DIP2B: variants seen among roughly 807,000 people sequenced by gnomAD.
The protein encoded by DIP2B is DIP2 acetate--CoA ligase B (putative), also known as disco-interacting protein 2 homolog B.
DIP2B carries 76 observed loss-of-function variants against 198.0 expected under a neutral mutation model. The ratio of observed to expected loss-of-function variants is 0.38; its 90% CI spans 0.32 to 0.46. The LOEUF (loss-of-function observed/expected upper bound fraction) is 0.46. Among genes scored for constraint, DIP2B ranks in the 20% least tolerant of loss-of-function variants. DIP2B has a pLI of 0.99. For missense variants in DIP2B, 1,559 were observed against 1,978.4 expected (o/e 0.79, Z 4.02); for synonymous variants, 701 against 739.1 (o/e 0.95, Z 0.84).
At chr12:50,647,237 A>G (rs1350478259) in intron 3 of DIP2B, among the ~76,000 whole-genome samples, 1 of 151,936 alleles carries the variant, frequency 6.6e-6, no homozygotes, top group Non-Finnish European at 1.5e-5. Flanking sequence ...TTTTGTGGAG[A>G]CAGGGTTTCA....
intron 1 of DIP2B, among the ~76,000 whole-genome samples, chr12:50,563,550 G>C (rs1362440034): frequency 1.4e-5 from 2 of 147,016 alleles, no homozygotes; most frequent in African/African-American, 5.1e-5. Context: ...GAGTGAGGCA[G>C]TGTGATTATA....
intron 1 of DIP2B, among the ~76,000 whole-genome samples, chr12:50,604,133 A>C (rs1230928215): frequency 1.4e-5 from 2 of 140,856 alleles, no homozygotes; most frequent in East Asian, 6.1e-4. Flanking sequence ...TTTTGAAAGA[A>C]CCGAGAGCAG....
At chr12:50,547,039 T>C (rs1231286058) in intron 1 of DIP2B, among the ~76,000 whole-genome samples, 1 of 152,232 alleles carries the variant, frequency 6.6e-6, no homozygotes, top group Non-Finnish European at 1.5e-5. Flanking sequence ...CCCTTCTTTT[T>C]TGACCTTCGT....
intron 28 of DIP2B, among the ~76,000 whole-genome samples, chr12:50,727,370 C>T (rs747180759): frequency 5.9e-5 from 9 of 152,170 alleles, no homozygotes; most frequent in Non-Finnish European, 1.0e-4. Flanking sequence ...AAAACAGACA[C>T]AAAGAGGTGA....
Position 50,663,418 on chromosome 12 carries a change from G to A in DIP2B, c.427+3099G>A, listed in dbSNP as rs532422863. 9.2e-5 allele frequency among the ~76,000 whole-genome samples: 14 copies of A among 151,686 alleles called. No homozygotes were observed. The South Asian group carries it at 1.0e-3, about 11-fold the overall frequency. ...TAAAAATACAAAAAATTAGCCGGGCGTGGTGGCAGCGCCTGTAGTCCCAGC... is the reference window on the plus strand; with the variant it reads ...TAAAAATACAAAAAATTAGCCGGGCATGGTGGCAGCGCCTGTAGTCCCAGC... On this transcript the variant is annotated intron_variant, in intron 4 of 37. Coordinates refer to ENST00000301180, the MANE Select transcript of DIP2B (RefSeq NM_173602.3).
At chr12:50,716,999 G>C (rs1051978560) in intron 23 of DIP2B, among the ~76,000 whole-genome samples, 1 of 73,976 alleles carries the variant, frequency 1.4e-5, no homozygotes. Flanking sequence ...AGTTTGCTCT[G>C]TTGCCCAGGC....
intron 3 of DIP2B, 127 bp from the exon 4 acceptor site, chr12:50,660,067 A>G (rs1395508891): frequency 1.0e-6 from 1 of 993,996 alleles, no homozygotes; most frequent in Non-Finnish European, 1.4e-6. Flanking sequence ...TATAAATAAA[A>G]ATCATCTGAA....
intron 3 of DIP2B, 91 bp from the exon 4 acceptor site, chr12:50,660,103 T>TC: frequency 8.0e-7 from 1 of 1,250,566 alleles, no homozygotes; most frequent in Non-Finnish European, 1.0e-6. Context: ...TTTTTTTTTT[T>TC]TTAAACAATT....
chr12:50,663,448 C>A (rs1363287067), intron 4 of DIP2B, among the ~76,000 whole-genome samples: 2 of 151,000 alleles, frequency 1.3e-5, no homozygotes, highest in African/African-American at 4.9e-5. Context: ...CCCAGCTACT[C>A]GGGAGGCTGA....
chr12:50,711,614 T>C (rs1038594099), intron 22 of DIP2B, among the ~76,000 whole-genome samples: 1 of 152,152 alleles, frequency 6.6e-6, no homozygotes, highest in African/African-American at 2.4e-5. Flanking sequence ...CAGGCTGGAG[T>C]ACAGTGGCAC....
intron 22 of DIP2B, among the ~76,000 whole-genome samples, chr12:50,709,499 G>A (rs947626728): frequency 1.2e-4 from 19 of 152,010 alleles, no homozygotes; most frequent in Non-Finnish European, 2.1e-4. Flanking sequence ...TTAACTGGGC[G>A]TGGTGGCAGG....
intron 1 of DIP2B, among the ~76,000 whole-genome samples, chr12:50,581,148 C>T (rs938664730): frequency 6.7e-6 from 1 of 149,462 alleles, no homozygotes; most frequent in Non-Finnish European, 1.5e-5. Flanking sequence ...TCATTACTTT[C>T]TGCATGTGAA....
intron 3 of DIP2B, among the ~76,000 whole-genome samples, chr12:50,645,346 A>G (rs1356622762): frequency 6.6e-6 from 1 of 152,178 alleles, no homozygotes; most frequent in African/African-American, 2.4e-5. Flanking sequence ...TTGTTGTAGT[A>G]TTGTGTATAA....
Position 50,644,451 on chromosome 12 carries a change from A to C in DIP2B, c.301+3599A>C, listed in dbSNP as rs1938315156. Among the ~76,000 whole-genome samples the C allele has an allele frequency of 5.9e-5, 9 of 152,326 alleles. No homozygotes were observed. In the South Asian group the frequency reaches 1.9e-3, roughly 32 times the overall value. On this transcript the variant is annotated intron_variant, in intron 3 of 37. Transcript: ENST00000301180. The stretch of plus-strand genomic sequence containing the variant: ...ATTACCTTATTCAGCTCAAACATGA[A>C]TACTGGAAAATGATACCCAGCTTCC...
chr12:50,542,858 G>T (rs569879971), intron 1 of DIP2B, among the ~76,000 whole-genome samples: 1 of 152,122 alleles, frequency 6.6e-6, no homozygotes, highest in East Asian at 1.9e-4. Flanking sequence ...CTGTTCAGAG[G>T]TTTCTTTTCT....
chr12:50,699,500 A>T (rs781515489), intron 19 of DIP2B, among the ~76,000 whole-genome samples: 3 of 152,214 alleles, frequency 2.0e-5, no homozygotes, highest in Non-Finnish European at 4.4e-5. Context: ...TAGAAAGAGC[A>T]TCTGGCATAT....
chr12:50,686,128 A>G (rs1357221915), intron 11 of DIP2B, among the ~76,000 whole-genome samples, 172 bp downstream of exon 11: 2 of 152,238 alleles, frequency 1.3e-5, no homozygotes, highest in Non-Finnish European at 2.9e-5. Flanking sequence ...AAACTGAGAA[A>G]CAGAGAGGTT....
chr12:50,516,743 G>A (rs1958068897), intron 1 of DIP2B, among the ~76,000 whole-genome samples: 3 of 152,064 alleles, frequency 2.0e-5, no homozygotes, highest in Non-Finnish European at 4.4e-5. Flanking sequence ...GGGAGGCCAA[G>A]GTGGGCGGAT....
rs1044632955 is a variant in DIP2B at position 50,505,058 on chromosome 12, T to C, written c.-83T>C. 6 of 1,369,234 alleles carry C rather than the reference T, an allele frequency of 4.4e-6. No homozygotes were observed. The highest frequency in any genetic ancestry group is 5.0e-6 in the Non-Finnish European group (5 of 1,008,252). 84.8% of individuals were successfully genotyped at this position (1,369,234 alleles called of 1,614,324 possible). A position where few individuals can be genotyped will look rare whatever the true frequency, so the allele number is the denominator to read the frequency against. On this transcript the variant is annotated 5_prime_UTR_variant, in exon 1 of 38. Coordinates refer to ENST00000301180, the MANE Select transcript of DIP2B (RefSeq NM_173602.3). ...GTGCTCGGCGGCCGGAGCCGGATCC[T>C]GTAGCCGGGTGTGGGCCCGTGTCTG...
Sources: gnomAD v4.1 joint callset for allele counts (sites outside exome capture counted in the v4.1 genomes callset) on GRCh38, gnomAD v4.1.1 for gene constraint, MANE v1.5 for transcripts, NCBI Gene and HGNC (gene_info 2026-07-23, HGNC 2026-07-21) for gene names.